LHFPL3: variants seen among roughly 807,000 people sequenced by gnomAD.
The protein encoded by LHFPL3 is LHFPL tetraspan subfamily member 3.
A neutral mutation model predicts 19.3 loss-of-function variants in LHFPL3; 5 were observed. The observed-to-expected ratio is 0.26, with a 90% CI of 0.14 to 0.54. The LOEUF (loss-of-function observed/expected upper bound fraction) is 0.54, where lower values mean the gene tolerates loss of function less well. Among genes scored for constraint, LHFPL3 ranks in the 20% least tolerant of loss-of-function variants. The pLI is 0.94. For missense variants in LHFPL3, 249 were observed against 307.4 expected (o/e 0.81, Z 1.42); for synonymous variants, 133 against 126.2 (o/e 1.05, Z -0.36).
At chr7:104,339,996 A>C (rs1169742527) in intron 1 of LHFPL3, among the ~76,000 whole-genome samples, 2 of 152,214 alleles carry the variant, frequency 1.3e-5, no homozygotes, top group Admixed American at 6.5e-5. Context: ...GTACTGACAC[A>C]GTTCCAGAGA....
chr7:104,382,021 C>A (rs1790838660), intron 1 of LHFPL3, among the ~76,000 whole-genome samples: 1 of 152,160 alleles, frequency 6.6e-6, no homozygotes, highest in Non-Finnish European at 1.5e-5. Flanking sequence ...CCTCTGTGTG[C>A]CCTTAACACT....
intron 1 of LHFPL3, among the ~76,000 whole-genome samples, chr7:104,560,634 C>G (rs995208552): frequency 2.2e-5 from 3 of 135,112 alleles, no homozygotes; most frequent in Non-Finnish European, 3.1e-5. Context: ...AAAACCAGCT[C>G]TTGGATTCAT....
At chr7:104,542,453 C>G (rs1794503793) in intron 1 of LHFPL3, among the ~76,000 whole-genome samples, 1 of 152,044 alleles carries the variant, frequency 6.6e-6, no homozygotes, top group Admixed American at 6.6e-5. Context: ...GGACTGTTAT[C>G]CAAAAGCCCG....
intron 1 of LHFPL3, among the ~76,000 whole-genome samples, chr7:104,595,367 C>A (rs986770017): frequency 6.6e-6 from 1 of 152,172 alleles, no homozygotes; most frequent in Non-Finnish European, 1.5e-5. Context: ...GTATTACTAG[C>A]GGAAGCTGAA....
At chr7:104,617,670 T>C (rs1319960118) in intron 1 of LHFPL3, among the ~76,000 whole-genome samples, 1 of 152,238 alleles carries the variant, frequency 6.6e-6, no homozygotes, top group Non-Finnish European at 1.5e-5. Flanking sequence ...GATGCATACT[T>C]TCCCTTTCCA....
chr7:104,829,038 AAAG>A (rs1036102062), intron 2 of LHFPL3, among the ~76,000 whole-genome samples: 3 of 151,916 alleles, frequency 2.0e-5, no homozygotes, highest in Non-Finnish European at 4.4e-5. Flanking sequence ...CTCAAAAAAA[AAAG>A]AGTCCCCAAA....
chr7:104,337,745 T>C lies in LHFPL3; in HGVS notation c.445+8521T>C, dbSNP rs184414384. On this transcript the variant is annotated intron_variant, in intron 1 of 2. Transcript: ENST00000424859. Reference sequence around the variant, plus strand: ...GGGTAAATACATTTACAGAACATTTTAAGAACCTGTATAATTACAAACTAG... The same window carrying C: ...GGGTAAATACATTTACAGAACATTTCAAGAACCTGTATAATTACAAACTAG... 3.8e-3 allele frequency among the ~76,000 whole-genome samples: 574 copies of C among 152,340 alleles called. 2 individuals are homozygous for C. The highest frequency in any genetic ancestry group is 0.024 in the Middle Eastern group (7 of 294).
intron 1 of LHFPL3, among the ~76,000 whole-genome samples, chr7:104,602,896 T>A (rs563674206): frequency 1.3e-5 from 2 of 152,210 alleles, no homozygotes; most frequent in East Asian, 3.9e-4. Context: ...GGGGCTGAAC[T>A]CATCCATTTT....
chr7:104,577,964 C>CA (rs1312796943), intron 1 of LHFPL3, among the ~76,000 whole-genome samples: 1 of 151,912 alleles, frequency 6.6e-6, no homozygotes, highest in Non-Finnish European at 1.5e-5. Context: ...CACGGAAGAA[C>CA]AAAAAAGAAA....
In LHFPL3 at chr7:104,328,785, C is replaced by T; in HGVS notation, c.6C>T (p.Pro2=). Residue 2 remains proline (P), a synonymous_variant, in exon 1 of 3, where the codon CCC becomes CCT. Transcript: ENST00000424859. This position sits in a 1 kb window ranked among gnomAD's most constrained non-coding sequence, Gnocchi z 4.6. M[P]GAAAAAAAAA... ...GGAGGAGGAGGAGGGGGAGAATGCC[C>T]GGAGCCGCCGCCGCTGCCGCCGCCG... The T allele has an allele frequency of 6.3e-7, 1 of 1,589,678 alleles. No homozygotes were observed. Among genetic ancestry groups the T allele is most frequent in the African/African-American group, 1.3e-5 (1 of 74,074 alleles).
chr7:104,638,556 T>C (rs879732178), intron 1 of LHFPL3, among the ~76,000 whole-genome samples: 1 of 152,184 alleles, frequency 6.6e-6, no homozygotes, highest in East Asian at 1.9e-4. Flanking sequence ...TATTTTGATA[T>C]ATGTTCCTTC....
Position 104,908,267 on chromosome 7 carries a change from A to G in LHFPL3, c.*2052A>G, listed in dbSNP as rs1208773720. ...AAAAAAGTTTTTGCCATAAAACCTAAGTGTAATTTAGCATACCACAGTGCT... is the reference window on the plus strand; with the variant it reads ...AAAAAAGTTTTTGCCATAAAACCTAGGTGTAATTTAGCATACCACAGTGCT... On this transcript the variant is annotated 3_prime_UTR_variant, in exon 3 of 3. Coordinates refer to ENST00000424859, the MANE Select transcript of LHFPL3 (RefSeq NM_199000.3). Among the ~76,000 whole-genome samples the G allele has an allele frequency of 6.6e-6, 1 of 152,238 alleles. No homozygotes were observed. Among genetic ancestry groups the G allele is most frequent in the Non-Finnish European group, 1.5e-5 (1 of 68,036 alleles).
intron 1 of LHFPL3, among the ~76,000 whole-genome samples, chr7:104,388,823 C>T (rs1791001292): frequency 1.1e-5 from 1 of 88,848 alleles, no homozygotes; most frequent in Non-Finnish European, 2.1e-5. Context: ...AATATAACCC[C>T]CTTTTATGGT....
At chr7:104,450,345 A>G (rs1260465614) in intron 1 of LHFPL3, among the ~76,000 whole-genome samples, 18 of 152,348 alleles carry the variant, frequency 1.2e-4, no homozygotes, top group Non-Finnish European at 1.5e-5. Context: ...AATGAAAAGG[A>G]AAACATGAAC....
intron 1 of LHFPL3, among the ~76,000 whole-genome samples, chr7:104,649,621 A>AT (rs1791993651): frequency 6.6e-6 from 1 of 152,196 alleles, no homozygotes; most frequent in Non-Finnish European, 1.5e-5. Context: ...TGGATTTCAG[A>AT]TTTTGAAAAA....
intron 1 of LHFPL3, among the ~76,000 whole-genome samples, chr7:104,536,167 G>T (rs1794384617): frequency 6.6e-6 from 1 of 152,186 alleles, no homozygotes; most frequent in Non-Finnish European, 1.5e-5. Flanking sequence ...TTTCTCTGTT[G>T]AAGAAGGCAT....
intron 2 of LHFPL3, chr7:104,845,521 C>G (rs1791297440): frequency 4.2e-6 from 6 of 1,429,458 alleles, no homozygotes; most frequent in Non-Finnish European, 5.6e-6. Context: ...TTCTGATTCC[C>G]GCTTTCAGCG....
intron 1 of LHFPL3, among the ~76,000 whole-genome samples, chr7:104,483,526 C>T (rs1034641952): frequency 6.6e-6 from 1 of 152,180 alleles, no homozygotes; most frequent in Admixed American, 6.5e-5. Flanking sequence ...AAAGTAAATA[C>T]ATGGGTAAGA....
intron 2 of LHFPL3, among the ~76,000 whole-genome samples, chr7:104,779,029 GC>G (rs1794678033): frequency 6.6e-6 from 1 of 152,156 alleles, no homozygotes; most frequent in African/African-American, 2.4e-5. Context: ...CTGGACATAA[GC>G]TTTCAATAGC....
Sources: allele counts gnomAD v4.1 joint callset (sites outside exome capture counted in the v4.1 genomes callset), GRCh38; gene constraint gnomAD v4.1.1; non-coding constraint Gnocchi (gnomAD v3.1); transcripts MANE v1.5; gene names NCBI Gene and HGNC (gene_info 2026-07-23, HGNC 2026-07-21).